DDX23: variants seen among roughly 807,000 people sequenced by gnomAD.
DDX23 encodes probable ATP-dependent RNA helicase DDX23.
A neutral mutation model predicts 102.7 loss-of-function variants in DDX23; 33 were observed. That is an observed-to-expected ratio of 0.32 (90% confidence interval 0.24 to 0.43). The LOEUF is 0.43. Ranked by LOEUF, DDX23 falls within the 20% of genes least tolerant of loss-of-function variation. DDX23 has a pLI of 1.00. For missense variants in DDX23, 549 were observed against 1,086.6 expected (o/e 0.51, Z 6.96); for synonymous variants, 352 against 376.0 (o/e 0.94, Z 0.74).
In DDX23 at chr12:48,844,030, C is replaced by T. The variant is rs199639661; in HGVS notation, c.230G>A (p.Arg77Gln). 1.0e-4 allele frequency: 161 copies of T among 1,613,984 alleles called. No individual in the cohort carries two copies. The highest frequency in any genetic ancestry group is 1.2e-4 in the Non-Finnish European group (147 of 1,180,004). ...CCGATCCCGCTCCTTATCTCGTTCT[C>T]GTTCTTTGTGCCGTCGTTCTCTGGA... ...SAERERRHKE[R>Q]ERDKERDRNK... Residue 77 changes from arginine to glutamine, a missense_variant, in exon 3 of 17, where the codon CGA becomes CAA. Arg to Gln is a conservative substitution (Grantham distance 43). This residue lies in a region of DDX23 where 241 missense variants were observed against 267.0 expected (regional missense o/e 0.90). Transcript: ENST00000308025.
intron 1 of DDX23, among the ~76,000 whole-genome samples, chr12:48,847,802 C>G (rs1938693265): frequency 6.6e-6 from 1 of 151,014 alleles, no homozygotes; most frequent in Non-Finnish European, 1.5e-5. Context: ...GGTGACAGGG[C>G]AAAACCCTGT....
At chr12:48,838,860 CA>C (rs1489519919) in intron 5 of DDX23, among the ~76,000 whole-genome samples, 2 of 151,984 alleles carry the variant, frequency 1.3e-5, no homozygotes, top group Admixed American at 6.6e-5. Context: ...CTCAAACAAA[CA>C]AACAAACAAT....
At position 48,836,480 on chromosome 12, in the gene DDX23, G is replaced by A. The variant is rs565798176; in HGVS notation, c.1236+89C>T. 3.6e-5 allele frequency: 50 copies of A among 1,388,270 alleles called. 1 individual carries two copies. The South Asian group carries it at 6.1e-4, about 17-fold the overall frequency. The allele number at this position is 1,388,270 out of a possible 1,614,324, so 86.0% of individuals were successfully genotyped here. On this transcript the variant is annotated intron_variant, in intron 10 of 16. Transcript: ENST00000308025. This position sits in a 1 kb window ranked among gnomAD's most constrained non-coding sequence, Gnocchi z 6.1. Reference sequence around the variant, plus strand: ...CACATTGGTGCCCACTAGCAGCGATGGCTCCAAATAGTCAAGGAACAAAGT... The same window carrying A: ...CACATTGGTGCCCACTAGCAGCGATAGCTCCAAATAGTCAAGGAACAAAGT...
chr12:48,844,634 T>C (rs1253955305), intron 2 of DDX23, among the ~76,000 whole-genome samples: 1 of 138,756 alleles, frequency 7.2e-6, no homozygotes, highest in Non-Finnish European at 1.6e-5. Flanking sequence ...CCCTCTCAAC[T>C]TTTTTTTTTT....
At chr12:48,840,458 G>A (rs1318054285) in intron 3 of DDX23, among the ~76,000 whole-genome samples, 1 of 152,032 alleles carries the variant, frequency 6.6e-6, no homozygotes, top group African/African-American at 2.4e-5. Context: ...GTTACCTGAG[G>A]TCAGGAGTTC....
intron 3 of DDX23, among the ~76,000 whole-genome samples, chr12:48,842,576 G>A (rs1938582985): frequency 1.4e-5 from 2 of 147,666 alleles, no homozygotes; most frequent in East Asian, 2.1e-4. Flanking sequence ...CCGGCCAGCC[G>A]CCCCGTCCAG....
At chr12:48,843,879 C>T (rs1182726994) in intron 3 of DDX23, 61 bp downstream of exon 3, 2 of 1,569,078 alleles carry the variant, frequency 1.3e-6, no homozygotes, top group African/African-American at 1.4e-5. Context: ...GCTGAGCAAA[C>T]TCAGGTGCAG....
Position 48,832,202 on chromosome 12 carries a change from G to A in DDX23, c.1956-16C>T. 6.2e-7 allele frequency: 1 copy of A among 1,613,388 alleles called. No individual in the cohort carries two copies. Among genetic ancestry groups the A allele is most frequent in the Non-Finnish European group, 8.5e-7 (1 of 1,179,476 alleles). On this transcript the variant is annotated splice_polypyrimidine_tract_variant and intron_variant, in intron 14 of 16. Coordinates refer to ENST00000308025, the MANE Select transcript of DDX23 (RefSeq NM_004818.3). The surrounding 1 kb of genome is among the most constrained non-coding windows in gnomAD (Gnocchi z 4.4). ...CAGCTTTTTCCTGGAAGGAAGAGGA[G>A]AAAAACAAGATGCATAATACCTCCC... is the stretch of plus-strand genomic sequence containing the variant.
chr12:48,843,210 T>C (rs1349093220), intron 3 of DDX23, among the ~76,000 whole-genome samples: 1 of 150,722 alleles, frequency 6.6e-6, no homozygotes, highest in Non-Finnish European at 1.5e-5. Context: ...CTTTGTTCAC[T>C]TGTTTATCTG....
intron 1 of DDX23, among the ~76,000 whole-genome samples, chr12:48,851,513 G>A (rs547424142): frequency 1.3e-5 from 2 of 152,258 alleles, no homozygotes; most frequent in Admixed American, 1.3e-4. Context: ...GAACAATAGG[G>A]GGTATGAGAC....
At chr12:48,840,739 G>A (rs1291597637) in intron 3 of DDX23, among the ~76,000 whole-genome samples, 1 of 151,576 alleles carries the variant, frequency 6.6e-6, no homozygotes, top group Non-Finnish European at 1.5e-5. Context: ...TTTTAGTAGA[G>A]ACGAGGTTTC....
intron 2 of DDX23, 138 bp from the exon 3 acceptor site, chr12:48,844,188 G>A (rs571412367): frequency 7.4e-5 from 60 of 810,178 alleles, no homozygotes; most frequent in Non-Finnish European, 1.1e-4. Context: ...CGGAAATAAC[G>A]AGGGAATTCT....
intron 3 of DDX23, among the ~76,000 whole-genome samples, chr12:48,843,547 CTTT>C (rs757724499): frequency 9.4e-5 from 11 of 117,506 alleles, no homozygotes; most frequent in East Asian, 2.6e-4. Flanking sequence ...TTCTTTCTTT[CTTT>C]TTTTTTTTTT....
At position 48,844,655 on chromosome 12, in the gene DDX23, T is replaced by C. The variant is rs112974444; in HGVS notation, c.210-605A>G. Among the ~76,000 whole-genome samples the C allele has an allele frequency of 5.1e-3, 754 of 147,912 alleles. 9 individuals carry two copies. The highest frequency in any genetic ancestry group is 0.018 in the African/African-American group (707 of 39,898). On this transcript the variant is annotated intron_variant, in intron 2 of 16. Coordinates refer to ENST00000308025, the MANE Select transcript of DDX23 (RefSeq NM_004818.3). ...CAACTTTTTTTTTTTTTATTTTTAG[T>C]AGAGATCAGGTATCACTGTGTTAGC... is the stretch of plus-strand genomic sequence containing the variant.
In DDX23 at chr12:48,843,936, G is replaced by A; in HGVS notation, c.320+4C>T. ...CTAAAGCCCCCTCTCATTCCTTCATGTACCTGGATCGTTTACGGTCCTTGT... is the reference window on the plus strand; with the variant it reads ...CTAAAGCCCCCTCTCATTCCTTCATATACCTGGATCGTTTACGGTCCTTGT... On this transcript the variant is annotated splice_donor_region_variant and intron_variant, in intron 3 of 16. Coordinates refer to ENST00000308025, the MANE Select transcript of DDX23 (RefSeq NM_004818.3). 1 of 1,613,834 alleles carries A rather than the reference G, an allele frequency of 6.2e-7. No homozygotes were observed. The highest frequency in any genetic ancestry group is 8.5e-7 in the Non-Finnish European group (1 of 1,179,794).
At position 48,844,046 on chromosome 12, in the gene DDX23, G is replaced by A. The variant is rs776563699; in HGVS notation, c.214C>T (p.Arg72Ter). ...TCTCGTTCTCGTTCTTTGTGCCGTC[G>A]TTCTCTGGAAGACCGCAAATTTAAG... The part of the protein sequence containing the change: ...RSRSKSAERE[R>*]RHKERERDKE... The change falls in exon 3 of 17, where the codon CGA becomes TGA. Residue 72 changes from arginine to a stop codon, truncating the protein, a stop_gained. Coordinates refer to ENST00000308025, the MANE Select transcript of DDX23 (RefSeq NM_004818.3). LOFTEE classifies it high-confidence loss of function. The A allele has an allele frequency of 6.2e-7, 1 of 1,613,910 alleles. No homozygotes were observed. Among genetic ancestry groups the A allele is most frequent in the Non-Finnish European group, 8.5e-7 (1 of 1,179,954 alleles).
chr12:48,841,833 T>G (rs1938556364), intron 3 of DDX23, among the ~76,000 whole-genome samples: 1 of 152,204 alleles, frequency 6.6e-6, no homozygotes, highest in Admixed American at 6.5e-5. Flanking sequence ...CCCAGCTGCC[T>G]GCCTTGGCCC....
rs1429706627 is a variant in DDX23 at position 48,830,038 on chromosome 12, G to A, written c.*431C>T. On this transcript the variant is annotated 3_prime_UTR_variant, in exon 17 of 17. Coordinates refer to ENST00000308025, the MANE Select transcript of DDX23 (RefSeq NM_004818.3). The surrounding 1 kb of genome is among the most constrained non-coding windows in gnomAD (Gnocchi z 4.9). ...AGATTCCACTGTCTGTAATCCTCAT[G>A]GTGCCAGGTCTCCTGGGGCATCTAG... 1 of 366,108 alleles carries A rather than the reference G, an allele frequency of 2.7e-6. No homozygotes were observed. Among genetic ancestry groups the A allele is most frequent in the Non-Finnish European group, 5.3e-6 (1 of 187,124 alleles). The allele number at this position is 366,108 out of a possible 1,614,324, so 22.7% of individuals were successfully genotyped here. A position where few individuals can be genotyped will look rare whatever the true frequency, so the allele number is the denominator to read the frequency against.
chr12:48,848,202 C>T (rs1335161740), intron 1 of DDX23, among the ~76,000 whole-genome samples: 2 of 152,028 alleles, frequency 1.3e-5, no homozygotes, highest in East Asian at 1.9e-4. Context: ...AGGAGAATGG[C>T]GTGAACCCGG....
Sources: allele counts gnomAD v4.1 joint callset (sites outside exome capture counted in the v4.1 genomes callset), GRCh38; gene constraint gnomAD v4.1.1; regional missense constraint gnomAD v4.1.1; non-coding constraint Gnocchi (gnomAD v3.1); transcripts MANE v1.5; gene names NCBI Gene and HGNC (gene_info 2026-07-23, HGNC 2026-07-21).